ZNF385B: variants seen among roughly 807,000 people sequenced by gnomAD.
ZNF385B encodes zinc finger protein 385B, also known as zinc finger protein 533.
Under a neutral mutation model 39.2 loss-of-function variants are expected in ZNF385B, and 23 were observed. The ratio of observed to expected loss-of-function variants is 0.59; its 90% CI spans 0.42 to 0.83. ZNF385B has a LOEUF of 0.83. Among genes scored for constraint, ZNF385B ranks in the 40% least tolerant of loss-of-function variants. The probability of loss-of-function intolerance (pLI) is 0.00; values close to 1 mark genes in which losing one functional copy is unlikely to be tolerated. For missense variants in ZNF385B, 552 were observed against 598.9 expected (o/e 0.92, Z 0.82); for synonymous variants, 205 against 222.6 (o/e 0.92, Z 0.70).
At chr2:179,667,614 T>C (rs558352843) in intron 3 of ZNF385B, among the ~76,000 whole-genome samples, 1 of 152,298 alleles carries the variant, frequency 6.6e-6, no homozygotes, top group South Asian at 2.1e-4. Flanking sequence ...AACGATGTGC[T>C]AATCCATCCC....
intron 1 of ZNF385B, among the ~76,000 whole-genome samples, chr2:179,842,990 T>C (rs1438465131): frequency 6.6e-6 from 1 of 152,154 alleles, no homozygotes; most frequent in Admixed American, 6.5e-5. Context: ...ACAGCTTCCC[T>C]AGGTGTCACC....
chr2:179,816,046 A>G (rs1707044955), intron 1 of ZNF385B, among the ~76,000 whole-genome samples: 1 of 152,056 alleles, frequency 6.6e-6, no homozygotes, highest in South Asian at 2.1e-4. Context: ...TGTCTCACCT[A>G]AACTTCAGAC....
chr2:179,711,266 C>T (rs1363909377), intron 3 of ZNF385B, among the ~76,000 whole-genome samples: 1 of 152,202 alleles, frequency 6.6e-6, no homozygotes, highest in Non-Finnish European at 1.5e-5. Flanking sequence ...TCTTGCAGCC[C>T]TATAACCATG....
chr2:179,524,828 T>C (rs1435697752), intron 4 of ZNF385B, among the ~76,000 whole-genome samples: 1 of 152,060 alleles, frequency 6.6e-6, no homozygotes, highest in Non-Finnish European at 1.5e-5. Flanking sequence ...CACCCATACT[T>C]TGGGTTTTTT....
intron 5 of ZNF385B, among the ~76,000 whole-genome samples, chr2:179,515,945 C>G (rs949629755): frequency 6.6e-6 from 1 of 150,688 alleles, no homozygotes; most frequent in African/African-American, 2.4e-5. Flanking sequence ...AACCCTTAGC[C>G]CCTGTTAACT....
At chr2:179,578,661 CT>C (rs1686133166) in intron 3 of ZNF385B, among the ~76,000 whole-genome samples, 1 of 152,114 alleles carries the variant, frequency 6.6e-6, no homozygotes, top group South Asian at 2.1e-4. Flanking sequence ...AATTGAATCA[CT>C]TCCATCCATA....
At chr2:179,636,260 C>A (rs931506098) in intron 3 of ZNF385B, among the ~76,000 whole-genome samples, 1 of 152,160 alleles carries the variant, frequency 6.6e-6, no homozygotes, top group Admixed American at 6.5e-5. Flanking sequence ...ATTCATAATA[C>A]AACATAGCCA....
At chr2:179,523,547 CATA>C (rs1357594449) in intron 4 of ZNF385B, among the ~76,000 whole-genome samples, 3 of 151,906 alleles carry the variant, frequency 2.0e-5, no homozygotes, top group East Asian at 3.9e-4. Context: ...AGCGACTTGA[CATA>C]ATACTAGATT....
chr2:179,772,029 A>G (rs991904511), intron 1 of ZNF385B, among the ~76,000 whole-genome samples: 4 of 152,200 alleles, frequency 2.6e-5, no homozygotes, highest in African/African-American at 9.7e-5. Context: ...AGGCTTGTCC[A>G]TATTGCAGAT....
chr2:179,710,006 T>C (rs1486417491), intron 3 of ZNF385B, among the ~76,000 whole-genome samples: 1 of 152,198 alleles, frequency 6.6e-6, no homozygotes, highest in African/African-American at 2.4e-5. Flanking sequence ...AGTGCAGGAA[T>C]GGATGGAGGC....
chr2:179,756,805 C>T (rs1167726781), intron 3 of ZNF385B, among the ~76,000 whole-genome samples: 1 of 152,144 alleles, frequency 6.6e-6, no homozygotes, highest in Non-Finnish European at 1.5e-5. Context: ...CCATGGTTTT[C>T]AGCTCCATCA....
At position 179,470,955 on chromosome 2, in the gene ZNF385B, G is replaced by T. The variant is rs185048470; in HGVS notation, c.715+12317C>A. On this transcript the variant is annotated intron_variant, in intron 6 of 9. Transcript: ENST00000410066. Reference sequence around the variant, plus strand: ...GAGCTTGACTTGTAACCATATGGTAGTACTTTCTCTTGGTCTTTGCCACCC... The same window carrying T: ...GAGCTTGACTTGTAACCATATGGTATTACTTTCTCTTGGTCTTTGCCACCC... 2.5e-3 allele frequency among the ~76,000 whole-genome samples: 375 copies of T among 152,254 alleles called. 1 individual carries two copies. Among genetic ancestry groups the T allele is most frequent in the Non-Finnish European group, 3.9e-3 (264 of 68,024 alleles).
chr2:179,479,375 G>GT (rs2053751445), intron 6 of ZNF385B, among the ~76,000 whole-genome samples: 1 of 152,042 alleles, frequency 6.6e-6, no homozygotes, highest in Non-Finnish European at 1.5e-5. Flanking sequence ...AAATCTCTTT[G>GT]CATTGTACAG....
At chr2:179,545,732 G>C (rs1338131370) in intron 3 of ZNF385B, among the ~76,000 whole-genome samples, 1 of 151,922 alleles carries the variant, frequency 6.6e-6, no homozygotes, top group Non-Finnish European at 1.5e-5. Context: ...TATTTGTTTT[G>C]TTGACTATTT....
intron 3 of ZNF385B, chr2:179,584,066 T>C: frequency 4.8e-6 from 3 of 627,186 alleles, no homozygotes; most frequent in South Asian, 3.0e-5. Context: ...GCTTATAGTC[T>C]ACTGGGAGAA....
chr2:179,476,593 A>G (rs1559297704), intron 6 of ZNF385B, among the ~76,000 whole-genome samples: 1 of 152,194 alleles, frequency 6.6e-6, no homozygotes, highest in Non-Finnish European at 1.5e-5. Context: ...CATTATTTGA[A>G]AGCAATATAA....
rs2049062224 is a variant in ZNF385B, at chr2:179,442,551, C to T, written c.*699G>A. On this transcript the variant is annotated 3_prime_UTR_variant, in exon 10 of 10. Coordinates refer to ENST00000410066, the MANE Select transcript of ZNF385B (RefSeq NM_152520.6). ...AATAAAATGTGAAATAAAGAAAATACATTATTTTATCTTTTATTCTCTTAC... is the reference window on the plus strand; with the variant it reads ...AATAAAATGTGAAATAAAGAAAATATATTATTTTATCTTTTATTCTCTTAC... 6.6e-6 allele frequency: 1 copy of T among 152,556 alleles called. No individual in the cohort carries two copies. Among genetic ancestry groups the T allele is most frequent in the African/African-American group, 2.4e-5 (1 of 41,420 alleles). The allele number at this position is 152,556 out of a possible 1,614,324, so 9.5% of individuals were successfully genotyped here. A position where few individuals can be genotyped will look rare whatever the true frequency, so the allele number is the denominator to read the frequency against.
intron 3 of ZNF385B, among the ~76,000 whole-genome samples, chr2:179,614,105 T>C (rs1324236310): frequency 6.6e-6 from 1 of 150,932 alleles, no homozygotes; most frequent in Admixed American, 6.6e-5. Context: ...GGAAGGGTGG[T>C]GCTGGCTACT....
chr2:179,565,707 G>C (rs773531183), intron 3 of ZNF385B, among the ~76,000 whole-genome samples: 2 of 152,170 alleles, frequency 1.3e-5, no homozygotes, highest in Non-Finnish European at 2.9e-5. Context: ...TGCCTCCCAG[G>C]ATGCTCGTCC....
Sources: gnomAD v4.1 joint callset for allele counts (sites outside exome capture counted in the v4.1 genomes callset) on GRCh38, gnomAD v4.1.1 for gene constraint, MANE v1.5 for transcripts, NCBI Gene and HGNC (gene_info 2026-07-23, HGNC 2026-07-21) for gene names.